TENM3: variants seen among roughly 807,000 people sequenced by gnomAD.
TENM3 encodes the protein teneurin-3.
Under a neutral mutation model 255.1 loss-of-function variants are expected in TENM3, and 63 were observed. That is an observed-to-expected ratio of 0.25 (90% CI 0.20 to 0.30). The LOEUF (loss-of-function observed/expected upper bound fraction) is 0.30, where lower values mean the gene tolerates loss of function less well. Among genes scored for constraint, TENM3 ranks in the 10% least tolerant of loss-of-function variants. The pLI is 1.00. For missense variants in TENM3, 2,929 were observed against 3,461.1 expected (o/e 0.85, Z 3.86); for synonymous variants, 1,306 against 1,322.3 (o/e 0.99, Z 0.27).
chr4:181,522,793 G>T, the TENM3 span: 1 of 831,712 alleles, frequency 1.2e-6, no homozygotes. Context: ...CTGGATCCTG[G>T]TCAAACTTTA....
intron 3 of TENM3, among the ~76,000 whole-genome samples, chr4:182,350,927 C>A (rs1318117144): frequency 6.6e-6 from 1 of 152,046 alleles, no homozygotes; most frequent in Non-Finnish European, 1.5e-5. Flanking sequence ...TCGTGATCTG[C>A]CCGCCTCTGC....
the TENM3 span, among the ~76,000 whole-genome samples, chr4:181,670,167 T>C: frequency 6.6e-6 from 1 of 152,198 alleles, no homozygotes; most frequent in African/African-American, 2.4e-5. Context: ...GATTAATACT[T>C]TGGAATGAAT....
At chr4:181,889,977 T>C in the TENM3 span, among the ~76,000 whole-genome samples, 3 of 152,228 alleles carry the variant, frequency 2.0e-5, no homozygotes, top group Admixed American at 2.0e-4. Context: ...TGTCATCCTC[T>C]GACCTACTCA....
intron 3 of TENM3, among the ~76,000 whole-genome samples, chr4:182,441,968 C>G (rs1030502896): frequency 6.6e-6 from 1 of 152,024 alleles, no homozygotes; most frequent in Non-Finnish European, 1.5e-5. Context: ...GAATATAGTA[C>G]GATGAAGGCA....
chr4:181,585,271 T>G, the TENM3 span, among the ~76,000 whole-genome samples: 3 of 152,194 alleles, frequency 2.0e-5, no homozygotes, highest in African/African-American at 7.2e-5. Context: ...TGAGACCACA[T>G]TAAGTATGCA....
At chr4:182,366,812 TAAAG>T (rs1426397667) in intron 3 of TENM3, among the ~76,000 whole-genome samples, 2 of 152,144 alleles carry the variant, frequency 1.3e-5, no homozygotes, top group African/African-American at 4.8e-5. Flanking sequence ...AAAGCAGACT[TAAAG>T]AAGCTTATGG....
chr4:182,294,193 T>C (rs574534838), intron 1 of TENM3, among the ~76,000 whole-genome samples: 10 of 152,200 alleles, frequency 6.6e-5, no homozygotes, highest in African/African-American at 1.9e-4. Flanking sequence ...GAAACTTCAG[T>C]CGTGGTTGTG....
intron 3 of TENM3, among the ~76,000 whole-genome samples, chr4:182,543,055 C>G (rs908538614): frequency 6.6e-6 from 1 of 152,112 alleles, no homozygotes; most frequent in Admixed American, 6.6e-5. Context: ...CAAAGGAGTT[C>G]CTAACGAATG....
chr4:181,958,954 G>A, the TENM3 span, among the ~76,000 whole-genome samples: 151,812 of 152,338 alleles, frequency 1, 75,645 homozygotes, highest in East Asian at 1. Context: ...ACAATGTATT[G>A]ATTCACTAAT....
At chr4:182,732,130 G>T (rs1271035539) in intron 16 of TENM3, among the ~76,000 whole-genome samples, 2 of 151,790 alleles carry the variant, frequency 1.3e-5, no homozygotes, top group African/African-American at 4.8e-5. Flanking sequence ...TTTTTCTTCA[G>T]GATATACCTT....
chr4:182,184,112 G>A (rs538919253), intron 1 of TENM3, among the ~76,000 whole-genome samples: 162 of 152,268 alleles, frequency 1.1e-3, no homozygotes, highest in Non-Finnish European at 2.0e-3. Flanking sequence ...ATAGCAGCTG[G>A]TTAGAAATTA....
chr4:182,505,489 T>A (rs1279003689), intron 3 of TENM3, among the ~76,000 whole-genome samples: 2 of 152,092 alleles, frequency 1.3e-5, no homozygotes, highest in African/African-American at 4.8e-5. Context: ...ATTACTATTA[T>A]TTTTTTGAGA....
At chr4:182,068,194 G>T in the TENM3 span, among the ~76,000 whole-genome samples, 1 of 152,024 alleles carries the variant, frequency 6.6e-6, no homozygotes, top group African/African-American at 2.4e-5. Flanking sequence ...AACCCTTTGC[G>T]GATAGAATAA....
chr4:181,537,352 A>G, the TENM3 span, among the ~76,000 whole-genome samples: 5 of 152,242 alleles, frequency 3.3e-5, no homozygotes, highest in Middle Eastern at 3.4e-3. Flanking sequence ...CCACATACAC[A>G]CTGTAATTTA....
At chr4:182,189,328 C>T (rs1011444805) in intron 1 of TENM3, among the ~76,000 whole-genome samples, 2 of 151,834 alleles carry the variant, frequency 1.3e-5, no homozygotes, top group East Asian at 1.9e-4. Flanking sequence ...TTTACTCTTC[C>T]GTGTCATACA....
At chr4:181,785,975 C>T in the TENM3 span, among the ~76,000 whole-genome samples, 1 of 152,122 alleles carries the variant, frequency 6.6e-6, no homozygotes, top group Non-Finnish European at 1.5e-5. Context: ...TGAATATAAG[C>T]TAATGCCATG....
chr4:181,493,816 A>C, the TENM3 span, among the ~76,000 whole-genome samples: 1 of 152,162 alleles, frequency 6.6e-6, no homozygotes, highest in Non-Finnish European at 1.5e-5. Flanking sequence ...AAGCTTTGAC[A>C]TTCGCCTACG....
intron 3 of TENM3, among the ~76,000 whole-genome samples, chr4:182,391,759 G>A (rs1483920697): frequency 6.6e-6 from 1 of 152,158 alleles, no homozygotes; most frequent in Admixed American, 6.5e-5. Context: ...ATTGGCACTG[G>A]CCTGCATAAA....
the TENM3 span, among the ~76,000 whole-genome samples, chr4:181,744,578 A>G: frequency 1.3e-5 from 2 of 152,136 alleles, no homozygotes; most frequent in Non-Finnish European, 2.9e-5. Context: ...CCTGGTTGTT[A>G]AACTCAAAAC....
Sources: allele counts gnomAD v4.1 joint callset (sites outside exome capture counted in the v4.1 genomes callset), GRCh38; gene constraint gnomAD v4.1.1; transcripts MANE v1.5; gene names NCBI Gene and HGNC (gene_info 2026-07-23, HGNC 2026-07-21).